ZFP69: variants seen among roughly 807,000 people sequenced by gnomAD.
ZFP69 encodes zinc finger protein 69 homolog.
A neutral mutation model predicts 48.9 loss-of-function variants in ZFP69; 35 were observed. That is an observed-to-expected ratio of 0.72 (90% CI 0.55 to 0.95). The LOEUF (loss-of-function observed/expected upper bound fraction) is 0.95, where lower values mean the gene tolerates loss of function less well. Among genes scored for constraint, ZFP69 ranks in the 40% least tolerant of loss-of-function variants. ZFP69 has a pLI of 0.00. For synonymous variants in ZFP69, 193 were observed against 216.8 expected, an observed-to-expected ratio of 0.89 and a Z score of 0.96; for missense variants, 557 against 638.4, an observed-to-expected ratio of 0.87 and a Z score of 1.37.
At chr1:40,494,286 T>A (rs1324964664) in intron 5 of ZFP69, among the ~76,000 whole-genome samples, 5 of 108,786 alleles carry the variant, frequency 4.6e-5, no homozygotes, top group Non-Finnish European at 7.4e-5. Flanking sequence ...TTTTTTTTTT[T>A]GAGACGGAGT....
intron 3 of ZFP69, among the ~76,000 whole-genome samples, chr1:40,484,982 T>C (rs1253963000): frequency 7.2e-6 from 1 of 138,548 alleles, no homozygotes; most frequent in African/African-American, 2.7e-5. Context: ...AACCTCTGCC[T>C]TCCAGGTTCA....
intron 3 of ZFP69, among the ~76,000 whole-genome samples, chr1:40,482,994 T>G (rs1645457241): frequency 6.6e-6 from 1 of 152,116 alleles, no homozygotes; most frequent in African/African-American, 2.4e-5. Context: ...TAATTAACAC[T>G]TACGGAACAC....
Position 40,496,210 on chromosome 1 carries a change from G to A in ZFP69, c.*151G>A. The A allele has an allele frequency of 1.4e-6, 1 of 706,964 alleles. No homozygotes were observed. The highest frequency in any genetic ancestry group is 2.7e-5 in the East Asian group (1 of 36,748). The allele number at this position is 706,964 out of a possible 1,614,324, so 43.8% of individuals were successfully genotyped here. ...AATAAACATTACATTGACAGGTATT[G>A]ACTACTAACACCTCTAAAAAGTACT... On this transcript the variant is annotated 3_prime_UTR_variant, in exon 6 of 6. Transcript: ENST00000372706.
chr1:40,480,407 AG>A (rs1460075084), intron 2 of ZFP69, among the ~76,000 whole-genome samples: 1 of 150,104 alleles, frequency 6.7e-6, no homozygotes, highest in Non-Finnish European at 1.5e-5. Context: ...CTGGGACTAC[AG>A]GTGCCTGCCA....
At chr1:40,494,746 G>A (rs1645610656) in intron 5 of ZFP69, among the ~76,000 whole-genome samples, 175 bp from the exon 6 acceptor site, 1 of 144,956 alleles carries the variant, frequency 6.9e-6, no homozygotes, top group Non-Finnish European at 1.5e-5. Flanking sequence ...TATATAAAAT[G>A]ACACTTTTAA....
At chr1:40,484,389 G>C (rs1057073472) in intron 3 of ZFP69, among the ~76,000 whole-genome samples, 1 of 151,810 alleles carries the variant, frequency 6.6e-6, no homozygotes, top group Non-Finnish European at 1.5e-5. Flanking sequence ...AGTAGAGATG[G>C]GGTTTCACCA....
intron 2 of ZFP69, among the ~76,000 whole-genome samples, chr1:40,479,749 C>T (rs1307282992): frequency 6.6e-6 from 1 of 152,162 alleles, no homozygotes; most frequent in Non-Finnish European, 1.5e-5. Flanking sequence ...GTGTTCCCCA[C>T]CAGTGGTGCC....
intron 3 of ZFP69, among the ~76,000 whole-genome samples, chr1:40,482,156 C>T (rs1330183170): frequency 6.6e-6 from 1 of 151,568 alleles, no homozygotes; most frequent in African/African-American, 2.4e-5. Flanking sequence ...CCCCTAAAAA[C>T]CAACCGATAC....
chr1:40,481,418 T>G (rs1645441934), intron 2 of ZFP69, among the ~76,000 whole-genome samples: 1 of 152,244 alleles, frequency 6.6e-6, no homozygotes, highest in East Asian at 1.9e-4. Flanking sequence ...GGGGAACCTT[T>G]GAGGATTTTT....
intron 5 of ZFP69, chr1:40,491,020 T>A (rs774756238): frequency 2.8e-4 from 42 of 152,216 alleles, no homozygotes; most frequent in Non-Finnish European, 8.8e-5. Flanking sequence ...TGCATTGAAA[T>A]ATTATTCCCA....
At chr1:40,479,683 G>A (rs918147932) in intron 2 of ZFP69, among the ~76,000 whole-genome samples, 195 bp downstream of exon 2, 1 of 152,174 alleles carries the variant, frequency 6.6e-6, no homozygotes, top group African/African-American at 2.4e-5. Flanking sequence ...CGTGCTTGCA[G>A]CTGCTCTCAT....
At chr1:40,486,567 C>G (rs148220365) in intron 3 of ZFP69, among the ~76,000 whole-genome samples, 1 of 133,504 alleles carries the variant, frequency 7.5e-6, no homozygotes, top group Non-Finnish European at 1.6e-5. Context: ...TACAAGTGTG[C>G]GCCACCATGC....
At chr1:40,488,311 A>AT (rs1645525731) in intron 3 of ZFP69, among the ~76,000 whole-genome samples, 1 of 152,172 alleles carries the variant, frequency 6.6e-6, no homozygotes, top group African/African-American at 2.4e-5. Flanking sequence ...CTTTAATTTG[A>AT]TTGAGTATAC....
At position 40,496,279 on chromosome 1, in the gene ZFP69, A is replaced by G. The variant is rs1645634812; in HGVS notation, c.*220A>G. ...CTTAAAATTAAATGAATTCAGCATTATGAAAAATTCATAACAGTTTTTTTC... is the reference window on the plus strand; with the variant it reads ...CTTAAAATTAAATGAATTCAGCATTGTGAAAAATTCATAACAGTTTTTTTC... On this transcript the variant is annotated 3_prime_UTR_variant, in exon 6 of 6. Coordinates refer to ENST00000372706, the MANE Select transcript of ZFP69 (RefSeq NM_001320179.2). The G allele has an allele frequency of 2.5e-6, 1 of 400,686 alleles. No individual in the cohort carries two copies. Among genetic ancestry groups the G allele is most frequent in the Non-Finnish European group, 4.4e-6 (1 of 227,816 alleles). The allele number at this position is 400,686 out of a possible 1,614,324, so 24.8% of individuals were successfully genotyped here.
rs147751046 is a variant in ZFP69 at position 40,495,964 on chromosome 1, G to A, written c.1486G>A (p.Glu496Lys). The A allele has an allele frequency of 3.9e-5, 63 of 1,614,118 alleles. No homozygotes were observed. The Middle Eastern group carries it at 4.9e-4, about 13-fold the overall frequency. The change falls in exon 6 of 6, where the codon GAA becomes AAA. Residue 496 changes from glutamate (E) to lysine (K), a missense_variant. Physicochemically the swap from Glu to Lys is moderately conservative, Grantham distance 56. Transcript: ENST00000372706. ...QRHHTGEKPY[E>K]CNECGKAFSY... ...ACATCACACTGGAGAAAAACCTTACGAATGTAACGAATGTGGAAAAGCCTT... is the reference window on the plus strand; with the variant it reads ...ACATCACACTGGAGAAAAACCTTACAAATGTAACGAATGTGGAAAAGCCTT...
intron 3 of ZFP69, among the ~76,000 whole-genome samples, chr1:40,486,008 A>G (rs900491278): frequency 3.3e-5 from 5 of 152,172 alleles, no homozygotes; most frequent in Non-Finnish European, 7.3e-5. Context: ...GGTTCAAGCA[A>G]TCCTCTCACA....
chr1:40,494,779 C>G, intron 5 of ZFP69, 142 bp from the exon 6 acceptor site: 1 of 492,074 alleles, frequency 2.0e-6, no homozygotes, highest in East Asian at 3.5e-5. Context: ...TTCTTAATTT[C>G]CTTTCCCATT....
chr1:40,490,521 A>T (rs1645556956), intron 5 of ZFP69, among the ~76,000 whole-genome samples: 1 of 152,156 alleles, frequency 6.6e-6, no homozygotes, highest in Non-Finnish European at 1.5e-5. Context: ...TGGAGGAAAG[A>T]GCAGTCTTGT....
intron 2 of ZFP69, among the ~76,000 whole-genome samples, chr1:40,480,517 CAGTT>C (rs759733780): frequency 6.6e-6 from 1 of 150,490 alleles, no homozygotes; most frequent in African/African-American, 2.4e-5. Flanking sequence ...ATTAGGAACA[CAGTT>C]AGATGCCTCT....
Sources: allele counts gnomAD v4.1 joint callset (sites outside exome capture counted in the v4.1 genomes callset), GRCh38; gene constraint gnomAD v4.1.1; transcripts MANE v1.5; gene names NCBI Gene and HGNC (gene_info 2026-07-23, HGNC 2026-07-21).